The following CRYAB variants were observed in gnomAD, a reference collection of about 807,000 sequenced individuals.
The protein encoded by CRYAB is alpha-crystallin B chain.
A neutral mutation model predicts 12.7 loss-of-function variants in CRYAB; 9 were observed. The observed-to-expected ratio is 0.71, with a 90% CI of 0.43 to 1.24. The LOEUF is 1.24. Ranked by LOEUF, CRYAB falls within the 50% of genes most tolerant of loss-of-function variation. The pLI is 0.00. For missense variants in CRYAB, 183 were observed against 226.6 expected (o/e 0.81, Z 1.24); for synonymous variants, 93 against 86.8 (o/e 1.07, Z -0.40).
upstream of CRYAB, chr11:111,913,631 C>G: frequency 4.3e-6 from 7 of 1,614,206 alleles, no homozygotes; most frequent in Non-Finnish European, 5.9e-6. Context: ...CTGTGGATAA[C>G]CTGCTGGAGG....
upstream of CRYAB, among the ~76,000 whole-genome samples, chr11:111,916,213 C>T (rs1965595266): frequency 6.6e-6 from 1 of 152,064 alleles, no homozygotes; most frequent in Admixed American, 6.5e-5. Flanking sequence ...CTTCCCTTTC[C>T]CAGCTAAACA....
upstream of CRYAB, among the ~76,000 whole-genome samples, chr11:111,914,513 C>G (rs1555166006): frequency 6.6e-6 from 1 of 152,194 alleles, no homozygotes; most frequent in Admixed American, 6.5e-5. Context: ...GGTCTGTCCA[C>G]TTAAATGGTC....
upstream of CRYAB, chr11:111,913,406 C>T (rs782646187): frequency 1.3e-6 from 2 of 1,529,176 alleles, no homozygotes; most frequent in East Asian, 2.3e-5. Context: ...CTCATCCTCC[C>T]TCATCCTGCC....
chr11:111,914,576 T>C (rs1275519145), upstream of CRYAB, among the ~76,000 whole-genome samples: 4 of 152,112 alleles, frequency 2.6e-5, no homozygotes, highest in African/African-American at 9.7e-5. Context: ...ACAAAGCCTC[T>C]CCAATTATCA....
rs2137378794 is a variant in CRYAB at position 111,908,915 on chromosome 11, G to T, written c.377C>A (p.Ala126Asp). The part of the protein sequence containing the change: ...REFHRKYRIP[A>D]DVDPLTITSS... ...AGTAATGGTGAGAGGGTCTACATCA[G>T]CTGGGATCCGGTATTTCCTGTGGAA... The change falls in exon 3 of 3, where the codon GCT becomes GAT. Residue 126 changes from alanine (A) to aspartate (D), a missense_variant. Around this residue, in one of 3 missense-constraint regions of CRYAB, gnomAD observed 95 missense variants for 112.5 expected, o/e 0.84. Coordinates refer to ENST00000650687, the MANE Select transcript of CRYAB (RefSeq NM_001289808.2). 6.2e-7 allele frequency: 1 copy of T among 1,614,128 alleles called. No individual in the cohort carries two copies. The highest frequency in any genetic ancestry group is 2.2e-5 in the East Asian group (1 of 44,876).
intron 2 of CRYAB, 118 bp from the exon 3 acceptor site, chr11:111,909,085 G>A: frequency 9.9e-7 from 1 of 1,009,860 alleles, no homozygotes; most frequent in Non-Finnish European, 1.5e-6. Flanking sequence ...TGACAACATA[G>A]GAAAAATAAA....
intron 2 of CRYAB, among the ~76,000 whole-genome samples, chr11:111,909,464 A>G (rs1965383725): frequency 6.6e-6 from 1 of 152,208 alleles, no homozygotes; most frequent in Admixed American, 6.5e-5. Flanking sequence ...GCCTGAGGAC[A>G]TTACTGAGGA....
At position 111,908,636 on chromosome 11, in the gene CRYAB, G is replaced by T. The variant is rs1022643136; in HGVS notation, c.*128C>A. 5 of 812,954 alleles carry T rather than the reference G, an allele frequency of 6.2e-6. No homozygotes were observed. The East Asian group carries it at 1.0e-4, about 17-fold the overall frequency. The allele number at this position is 812,954 out of a possible 1,614,324, so 50.4% of individuals were successfully genotyped here. A position where few individuals can be genotyped will look rare whatever the true frequency, so the allele number is the denominator to read the frequency against. Reference sequence around the variant, plus strand: ...ACAAGACAGTTATCTGTTGCTGAATGATATTTTATTAGCTTGATAATTTGG... The same window carrying T: ...ACAAGACAGTTATCTGTTGCTGAATTATATTTTATTAGCTTGATAATTTGG... On this transcript the variant is annotated 3_prime_UTR_variant, in exon 3 of 3. Coordinates refer to ENST00000650687, the MANE Select transcript of CRYAB (RefSeq NM_001289808.2).
chr11:111,910,690 G>C (rs1382046892), intron 1 of CRYAB: 1 of 578,734 alleles, frequency 1.7e-6, no homozygotes, highest in Admixed American at 2.9e-5. Context: ...GAAGAAGACA[G>C]ATCACCCAGG....
upstream of CRYAB, chr11:111,914,046 G>A (rs189529671): frequency 3.3e-4 from 244 of 733,036 alleles, no homozygotes; most frequent in African/African-American, 3.9e-3. Context: ...ACATGTCATA[G>A]CCTTGGTTTA....
intron 2 of CRYAB, 160 bp from the exon 3 acceptor site, chr11:111,909,127 G>T: frequency 1.3e-6 from 1 of 744,656 alleles, no homozygotes; most frequent in South Asian, 1.5e-5. Context: ...CAGCTAAGAT[G>T]AAATTGCCTA....
At chr11:111,919,240 C>A (rs587604658) in intron 1 of CRYAB, 39 of 534,456 alleles carry the variant, frequency 7.3e-5, no homozygotes, top group Admixed American at 5.0e-4. Context: ...TTTGGGAGGC[C>A]GAGGCCGGCG....
At chr11:111,916,482 C>T (rs1391785549), upstream of CRYAB, among the ~76,000 whole-genome samples, 1 of 152,192 alleles carries the variant, frequency 6.6e-6, no homozygotes, top group Non-Finnish European at 1.5e-5. Context: ...CTCGGCCTCC[C>T]AACACATTGG....
chr11:111,918,671 A>G, intron 1 of CRYAB: 1 of 682,962 alleles, frequency 1.5e-6, no homozygotes, highest in South Asian at 1.5e-5. Context: ...GCCCTTTTCT[A>G]TCTCAGGTTT....
At chr11:111,914,993 T>C (rs1157895049), upstream of CRYAB, among the ~76,000 whole-genome samples, 4 of 151,966 alleles carry the variant, frequency 2.6e-5, no homozygotes, top group African/African-American at 9.7e-5. Flanking sequence ...GAGGATGAGC[T>C]AGGGAGGTTG....
upstream of CRYAB, chr11:111,912,488 G>C: frequency 2.5e-6 from 1 of 407,800 alleles, no homozygotes; most frequent in Non-Finnish European, 4.5e-6. Context: ...CGTTTGTGAG[G>C]GTCTCAGCGA....
chr11:111,916,155 C>A (rs2137393885), upstream of CRYAB, among the ~76,000 whole-genome samples: 1 of 152,154 alleles, frequency 6.6e-6, no homozygotes, highest in Non-Finnish European at 1.5e-5. Context: ...GGTTTTTTCA[C>A]TGAAAATCCT....
intron 1 of CRYAB, chr11:111,918,757 T>C (rs1555166272): frequency 2.9e-6 from 2 of 685,134 alleles, no homozygotes; most frequent in Non-Finnish European, 5.4e-6. Context: ...GAGATAGCTC[T>C]CACCTGGAGC....
At position 111,909,926 on chromosome 11, in the gene CRYAB, C is replaced by T. The variant is rs561264064; in HGVS notation, c.324+401G>A. 3.1e-4 allele frequency: 169 copies of T among 550,326 alleles called. 1 individual carries two copies. Among genetic ancestry groups the T allele is most frequent in the African/African-American group, 2.9e-3 (156 of 53,168 alleles). 34.1% of individuals were successfully genotyped at this position (550,326 alleles called of 1,614,324 possible). A position where few individuals can be genotyped will look rare whatever the true frequency, so the allele number is the denominator to read the frequency against. On this transcript the variant is annotated intron_variant, in intron 2 of 2. Transcript: ENST00000650687. The stretch of plus-strand genomic sequence containing the variant: ...CTTAAAAATTGCTGATGCCTGGGTC[C>T]CACCCTTAAAAATGCTGATTTAATT...
Sources: allele counts gnomAD v4.1 joint callset (sites outside exome capture counted in the v4.1 genomes callset), GRCh38; gene constraint gnomAD v4.1.1; regional missense constraint gnomAD v4.1.1; transcripts MANE v1.5; gene names NCBI Gene and HGNC (gene_info 2026-07-23, HGNC 2026-07-21).